The following TNIK variants were observed in gnomAD, a reference collection of about 807,000 sequenced individuals.
The protein encoded by TNIK is TRAF2 and NCK interacting kinase.
TNIK carries 49 observed loss-of-function variants against 191.3 expected under a neutral mutation model. The observed-to-expected ratio is 0.26, with a 90% CI of 0.20 to 0.32. The LOEUF is 0.32. Among genes scored for constraint, TNIK ranks in the 10% least tolerant of loss-of-function variants. The probability of loss-of-function intolerance (pLI) is 1.00; values close to 1 mark genes in which losing one functional copy is unlikely to be tolerated. For synonymous variants in TNIK, 594 were observed against 600.9 expected, an observed-to-expected ratio of 0.99 and a Z score of 0.17; for missense variants, 1,155 against 1,702.3, an observed-to-expected ratio of 0.68 and a Z score of 5.66.
intron 3 of TNIK, among the ~76,000 whole-genome samples, chr3:171,215,596 C>T (rs953581668): frequency 6.6e-6 from 1 of 152,150 alleles, no homozygotes; most frequent in Non-Finnish European, 1.5e-5. Flanking sequence ...TGTCCAAAAC[C>T]AAAGTCGTTA....
chr3:171,350,710 C>A (rs1713029941), intron 2 of TNIK, among the ~76,000 whole-genome samples: 1 of 151,488 alleles, frequency 6.6e-6, no homozygotes, highest in Non-Finnish European at 1.5e-5. Flanking sequence ...TCACTGTATA[C>A]CTAAAATTCT....
intron 4 of TNIK, among the ~76,000 whole-genome samples, chr3:171,208,513 T>G (rs901978613): frequency 6.6e-6 from 1 of 152,140 alleles, no homozygotes; most frequent in African/African-American, 2.4e-5. Context: ...TATATCTAAT[T>G]ATAACCTCTT....
chr3:171,217,542 T>C (rs1741592775), intron 3 of TNIK, among the ~76,000 whole-genome samples: 1 of 151,802 alleles, frequency 6.6e-6, no homozygotes, highest in South Asian at 2.1e-4. Context: ...GAGTCTAAAA[T>C]AACAGTTGCA....
At chr3:171,066,789 A>C (rs1718494852) in intron 30 of TNIK, 54 bp from the exon 31 acceptor site, 1 of 1,562,638 alleles carries the variant, frequency 6.4e-7, no homozygotes. Flanking sequence ...AAACACCTTG[A>C]CTATTCATCT....
At chr3:171,168,827 C>T (rs532318592) in intron 9 of TNIK, among the ~76,000 whole-genome samples, 1 of 152,282 alleles carries the variant, frequency 6.6e-6, no homozygotes, top group South Asian at 2.1e-4. Context: ...ATCTTTGCAT[C>T]ATGAGCACAC....
chr3:171,430,116 C>T (rs1224225589), intron 1 of TNIK, among the ~76,000 whole-genome samples: 1 of 152,072 alleles, frequency 6.6e-6, no homozygotes, highest in African/African-American at 2.4e-5. Flanking sequence ...ACATGAAATA[C>T]CGCCTTACGT....
At chr3:171,087,015 G>C (rs1228474770) in intron 24 of TNIK, among the ~76,000 whole-genome samples, 1 of 152,178 alleles carries the variant, frequency 6.6e-6, no homozygotes, top group East Asian at 1.9e-4. Context: ...TGTGTAGCCT[G>C]AAGTTTCCAT....
chr3:171,200,314 T>C (rs2108867375), intron 4 of TNIK, among the ~76,000 whole-genome samples: 1 of 152,350 alleles, frequency 6.6e-6, no homozygotes, highest in South Asian at 2.1e-4. Context: ...GGCCTGAGCC[T>C]GGAGGAGGTG....
Position 171,167,193 on chromosome 3 carries a change from A to G in TNIK, c.851T>C (p.Met284Thr). 6.2e-7 allele frequency: 1 copy of G among 1,613,958 alleles called. No homozygotes were observed. Among genetic ancestry groups the G allele is most frequent in the Non-Finnish European group, 8.5e-7 (1 of 1,179,884 alleles). Residue 284 changes from methionine (M) to threonine (T), a missense_variant, in exon 10 of 33, where the codon ATG becomes ACG. Physicochemically the swap from Met to Thr is moderately conservative, Grantham distance 81. Coordinates refer to ENST00000436636, the MANE Select transcript of TNIK (RefSeq NM_015028.4). ...HSQRPATEQL[M>T]KHPFIRDQPN... Reference sequence around the variant, plus strand: ...TTGGTCTCGTATAAATGGATGCTTCATCAATTGTTCTGTTGCTGGTCGCTG... The same window carrying G: ...TTGGTCTCGTATAAATGGATGCTTCGTCAATTGTTCTGTTGCTGGTCGCTG...
intron 2 of TNIK, among the ~76,000 whole-genome samples, chr3:171,358,964 G>C (rs1485434946): frequency 6.6e-6 from 1 of 152,168 alleles, no homozygotes; most frequent in Admixed American, 6.5e-5. Context: ...AGGGATAGTA[G>C]GGTATGGGGA....
chr3:171,091,258 C>T (rs1722016957), intron 23 of TNIK, among the ~76,000 whole-genome samples: 1 of 152,150 alleles, frequency 6.6e-6, no homozygotes, highest in South Asian at 2.1e-4. Flanking sequence ...CTGAACAAAA[C>T]AAAAGGCAGA....
At chr3:171,275,748 T>A (rs1181460981) in intron 2 of TNIK, among the ~76,000 whole-genome samples, 1 of 151,618 alleles carries the variant, frequency 6.6e-6, no homozygotes, top group Admixed American at 6.6e-5. Context: ...TACAAAAAAA[T>A]TAGCCGGGCG....
At chr3:171,345,658 C>T (rs1226177283) in intron 2 of TNIK, among the ~76,000 whole-genome samples, 2 of 152,134 alleles carry the variant, frequency 1.3e-5, no homozygotes, top group Non-Finnish European at 2.9e-5. Context: ...AGAGAAAAAA[C>T]ACCAGGGAAC....
At chr3:171,207,025 CTT>C (rs61596157) in intron 4 of TNIK, among the ~76,000 whole-genome samples, 3,651 of 147,332 alleles carry the variant, frequency 0.025, 138 homozygotes, top group African/African-American at 0.086. Flanking sequence ...TACATTAATG[CTT>C]TTTTTTTTTA....
At chr3:171,165,270 A>G (rs1189031232) in intron 10 of TNIK, among the ~76,000 whole-genome samples, 1 of 151,734 alleles carries the variant, frequency 6.6e-6, no homozygotes, top group Admixed American at 6.6e-5. Context: ...ACAGAGACAG[A>G]GCCTGTCTCA....
rs1226391934 is a variant in TNIK, at chr3:171,336,285, A to G, written c.123+33335T>C. Among the ~76,000 whole-genome samples, 3 of 152,236 alleles carry G rather than the reference A, an allele frequency of 2.0e-5. No individual in the cohort carries two copies. The East Asian group carries it at 5.8e-4, about 29-fold the overall frequency. ...AGTTAACCATTTTCACACTAACTTA[A>G]GGCCTTTTGTTCCAAATATCCTTGA... On this transcript the variant is annotated intron_variant, in intron 2 of 32. Transcript: ENST00000436636.
chr3:171,411,363 T>C (rs1424847577), intron 1 of TNIK, among the ~76,000 whole-genome samples: 1 of 152,222 alleles, frequency 6.6e-6, no homozygotes, highest in Non-Finnish European at 1.5e-5. Flanking sequence ...AATTATTTAG[T>C]GTGTTTTCAT....
At chr3:171,091,054 G>T (rs1291465063) in intron 23 of TNIK, among the ~76,000 whole-genome samples, 1 of 152,128 alleles carries the variant, frequency 6.6e-6, no homozygotes, top group South Asian at 2.1e-4. Flanking sequence ...TGTACTTTTA[G>T]TAATTTTCAG....
chr3:171,145,723 T>C (rs894969152), intron 12 of TNIK, among the ~76,000 whole-genome samples: 2 of 152,100 alleles, frequency 1.3e-5, no homozygotes, highest in Non-Finnish European at 2.9e-5. Context: ...AGAGGTCTAG[T>C]TTTAAGAGAT....
Sources: allele counts gnomAD v4.1 joint callset (sites outside exome capture counted in the v4.1 genomes callset), GRCh38; gene constraint gnomAD v4.1.1; transcripts MANE v1.5; gene names NCBI Gene and HGNC (gene_info 2026-07-23, HGNC 2026-07-21).